Variants in SPDYA observed in about 807,000 individuals in gnomAD.
SPDYA encodes the protein speedy/RINGO cell cycle regulator family member A, also known as speedy protein A.
Under a neutral mutation model 36.7 loss-of-function variants are expected in SPDYA, and 11 were observed. The observed-to-expected ratio is 0.30, with a 90% CI of 0.19 to 0.50. The LOEUF (loss-of-function observed/expected upper bound fraction) is 0.50, where lower values mean the gene tolerates loss of function less well. Among genes scored for constraint, SPDYA ranks in the 20% least tolerant of loss-of-function variants. The probability of loss-of-function intolerance (pLI) is 0.98; values close to 1 mark genes in which losing one functional copy is unlikely to be tolerated. For synonymous variants in SPDYA, 115 were observed against 118.7 expected (o/e 0.97, Z 0.20); for missense variants, 287 against 370.9 (o/e 0.77, Z 1.86).
At chr2:28,832,563 T>A (rs912391420) in intron 6 of SPDYA, among the ~76,000 whole-genome samples, 1 of 152,178 alleles carries the variant, frequency 6.6e-6, no homozygotes, top group African/African-American at 2.4e-5. Context: ...TACCTCAAAC[T>A]TAACGTGCCT....
Position 28,840,471 on chromosome 2 carries a change from T to G in SPDYA, c.850+2T>G, listed in dbSNP as rs1354813904. ...CTCAAGCTTATACTGGTTCTGAAGG[T>G]ATGATTTAGTAATATGCCAGAATTA... On this transcript the variant is annotated splice_donor_variant, in intron 7 of 7. Transcript: ENST00000334056. LOFTEE classifies it high-confidence loss of function. 6.2e-7 allele frequency: 1 copy of G among 1,612,848 alleles called. No homozygotes were observed. The highest frequency in any genetic ancestry group is 1.3e-5 in the African/African-American group (1 of 74,902).
intron 7 of SPDYA, among the ~76,000 whole-genome samples, chr2:28,847,046 A>C (rs1661709981): frequency 6.6e-6 from 1 of 152,224 alleles, no homozygotes; most frequent in South Asian, 2.1e-4. Context: ...TGATGGAATT[A>C]AAAAATGGAC....
Position 28,849,866 on chromosome 2 carries a change from A to G in SPDYA, c.867A>G (p.Gln289=), listed in dbSNP as rs2148113888. 7 of 1,573,032 alleles carry G rather than the reference A, an allele frequency of 4.4e-6. No homozygotes were observed. The highest frequency in any genetic ancestry group is 2.0e-5 in the Admixed American group (1 of 50,904). Residue 289 remains glutamine (Q), a synonymous_variant, in exon 8 of 8, where the codon CAA becomes CAG. Coordinates refer to ENST00000334056, the MANE Select transcript of SPDYA (RefSeq NM_182756.4). ...TTATTTCAGTAGTCAATGACCATCAATCAAATAAAGGAAAGAAAACTAATT... is the reference window on the plus strand; with the variant it reads ...TTATTTCAGTAGTCAATGACCATCAGTCAAATAAAGGAAAGAAAACTAATT... ...YTGSEVVNDH[Q]SNKGKKTNFL... is the part of the protein sequence containing the mutation.
At chr2:28,829,560 C>A (rs1419679704) in intron 6 of SPDYA, among the ~76,000 whole-genome samples, 2 of 152,086 alleles carry the variant, frequency 1.3e-5, no homozygotes, top group Non-Finnish European at 2.9e-5. Context: ...GTAATCCCAG[C>A]ACTTTGAGAG....
At chr2:28,821,352 A>G (rs1403635457) in intron 4 of SPDYA, among the ~76,000 whole-genome samples, 2 of 151,892 alleles carry the variant, frequency 1.3e-5, no homozygotes, top group Non-Finnish European at 2.9e-5. Context: ...GGCATGTGCC[A>G]CCACGCCCGG....
Position 28,840,657 on chromosome 2 carries a change from T to C in SPDYA, c.850+188T>C, listed in dbSNP as rs554110785. Reference sequence around the variant, plus strand: ...CATATTTGTTTTGTGGTGACCCACCTAAACAGATTTTTAATGTGACCTATG... The same window carrying C: ...CATATTTGTTTTGTGGTGACCCACCCAAACAGATTTTTAATGTGACCTATG... On this transcript the variant is annotated intron_variant, in intron 7 of 7. Transcript: ENST00000334056. 2.2e-6 allele frequency: 3 copies of C among 1,354,748 alleles called. No individual in the cohort carries two copies. The African/African-American group carries it at 4.5e-5, about 20-fold the overall frequency. The allele number at this position is 1,354,748 out of a possible 1,614,324, so 83.9% of individuals were successfully genotyped here. A position where few individuals can be genotyped will look rare whatever the true frequency, so the allele number is the denominator to read the frequency against.
At chr2:28,813,215 G>A (rs1041470953) in intron 1 of SPDYA, among the ~76,000 whole-genome samples, 3 of 152,154 alleles carry the variant, frequency 2.0e-5, no homozygotes, top group African/African-American at 7.2e-5. Flanking sequence ...AATTGTATGG[G>A]AAATATCCCA....
Position 28,838,364 on chromosome 2 carries a change from A to G in SPDYA, c.553-1808A>G, listed in dbSNP as rs147578168. Among the ~76,000 whole-genome samples the G allele has an allele frequency of 4.5e-3, 678 of 152,006 alleles. 6 individuals carry two copies. The highest frequency in any genetic ancestry group is 0.015 in the African/African-American group (642 of 41,456). On this transcript the variant is annotated intron_variant, in intron 6 of 7. Transcript: ENST00000334056. ...GCCCAACTAATTTTGTATTTTTAGTAGAGATGGGGTTTCACCATGTTGGCC... is the reference window on the plus strand; with the variant it reads ...GCCCAACTAATTTTGTATTTTTAGTGGAGATGGGGTTTCACCATGTTGGCC...
intron 7 of SPDYA, among the ~76,000 whole-genome samples, chr2:28,847,343 AAAACAAAC>A (rs907110852): frequency 4.0e-5 from 6 of 151,862 alleles, no homozygotes; most frequent in African/African-American, 9.7e-5. Context: ...ACTCTGTCTC[AAAACAAAC>A]AAACAAACAA....
intron 3 of SPDYA, among the ~76,000 whole-genome samples, chr2:28,817,103 G>A (rs1055098065): frequency 3.9e-5 from 6 of 152,090 alleles, no homozygotes; most frequent in African/African-American, 1.4e-4. Flanking sequence ...AGTAGAAAAA[G>A]ATATAAAGAT....
intron 6 of SPDYA, among the ~76,000 whole-genome samples, chr2:28,838,789 T>C (rs1668675345): frequency 6.6e-6 from 1 of 152,106 alleles, no homozygotes; most frequent in Non-Finnish European, 1.5e-5. Context: ...CCGGCCAACA[T>C]GGTGAAACCC....
intron 5 of SPDYA, among the ~76,000 whole-genome samples, chr2:28,828,109 C>CCCAAG (rs1362149519): frequency 1.3e-5 from 2 of 151,980 alleles, no homozygotes; most frequent in African/African-American, 4.8e-5. Context: ...GCCTCAGCCT[C>CCCAAG]CCAAGTAGCT....
At chr2:28,826,837 G>C (rs1157493096) in intron 5 of SPDYA, among the ~76,000 whole-genome samples, 1 of 150,690 alleles carries the variant, frequency 6.6e-6, no homozygotes, top group South Asian at 2.1e-4. Context: ...GCTGGGTTTC[G>C]AACTCCTCAG....
chr2:28,844,368 A>T (rs1220123334), intron 7 of SPDYA, among the ~76,000 whole-genome samples: 1 of 152,190 alleles, frequency 6.6e-6, no homozygotes, highest in Non-Finnish European at 1.5e-5. Context: ...CAGAAGTTTG[A>T]AAATACAGCT....
intron 4 of SPDYA, 38 bp downstream of exon 4, chr2:28,819,144 TA>T (rs1668070008): frequency 6.9e-7 from 1 of 1,441,696 alleles, no homozygotes; most frequent in East Asian, 2.3e-5. Flanking sequence ...ACCAGCATTA[TA>T]ATGTAACTGA....
chr2:28,813,574 C>T (rs1265435623), intron 1 of SPDYA, among the ~76,000 whole-genome samples: 2 of 147,044 alleles, frequency 1.4e-5, no homozygotes, highest in Non-Finnish European at 3.0e-5. Context: ...TTTTTTGAGA[C>T]GGAGTCTTGC....
In SPDYA at chr2:28,836,004, G is replaced by A. The variant is rs117348195; in HGVS notation, c.553-4168G>A. On this transcript the variant is annotated intron_variant, in intron 6 of 7. Coordinates refer to ENST00000334056, the MANE Select transcript of SPDYA (RefSeq NM_182756.4). Reference sequence around the variant, plus strand: ...CTGAAAGCCTGGCATACTGCCAAACGAAACATTTCTTTAGTCCCATATCCT... The same window carrying A: ...CTGAAAGCCTGGCATACTGCCAAACAAAACATTTCTTTAGTCCCATATCCT... Among the ~76,000 whole-genome samples, 585 of 152,348 alleles carry A rather than the reference G, an allele frequency of 3.8e-3. 10 individuals carry two copies. The East Asian group carries it at 0.043, about 11-fold the overall frequency.
At chr2:28,815,533 T>C (rs1667963232) in intron 2 of SPDYA, among the ~76,000 whole-genome samples, 2 of 152,044 alleles carry the variant, frequency 1.3e-5, no homozygotes. Flanking sequence ...GGGGGGGTGC[T>C]TTGTAATTTA....
intron 6 of SPDYA, among the ~76,000 whole-genome samples, chr2:28,833,801 G>C (rs1461525426): frequency 6.6e-6 from 1 of 152,032 alleles, no homozygotes; most frequent in African/African-American, 2.4e-5. Context: ...TCGTGACCTT[G>C]AATTAGGTTT....
Sources: gnomAD v4.1 joint callset for allele counts (sites outside exome capture counted in the v4.1 genomes callset) on GRCh38, gnomAD v4.1.1 for gene constraint, MANE v1.5 for transcripts, NCBI Gene and HGNC (gene_info 2026-07-23, HGNC 2026-07-21) for gene names.